Variants in TNRC18 observed in about 807,000 individuals in gnomAD.
The protein encoded by TNRC18 is trinucleotide repeat containing 18.
A neutral mutation model predicts 226.7 loss-of-function variants in TNRC18; 69 were observed. That is an observed-to-expected ratio of 0.30 (90% CI 0.25 to 0.37). The LOEUF (loss-of-function observed/expected upper bound fraction) is 0.37. TNRC18 is among the 10% of genes least tolerant of loss of function. TNRC18 has a pLI of 1.00. For synonymous variants in TNRC18, 2,449 were observed against 1,927.6 expected (o/e 1.27, Z -7.09); for missense variants, 4,754 against 4,256.6 (o/e 1.12, Z -3.25).
Position 5,312,661 on chromosome 7 carries a change from C to G in TNRC18, c.8230G>C (p.Gly2744Arg). Residue 2744 changes from glycine (G) to arginine (R), a missense_variant, in exon 27 of 30, where the codon GGG becomes CGG. Transcript: ENST00000430969. This position sits in a 1 kb window ranked among gnomAD's most constrained non-coding sequence, Gnocchi z 6.3. ...TQPLQPKAQA[G>R]AKSRPKKREG... Reference sequence around the variant, plus strand: ...CTCTTCTTGGGTCGGCTCTTGGCCCCGGCCTGAGCCTTGGGCTGCAGAGGC... The same window carrying G: ...CTCTTCTTGGGTCGGCTCTTGGCCCGGGCCTGAGCCTTGGGCTGCAGAGGC... 5.0e-6 allele frequency: 8 copies of G among 1,606,792 alleles called. No individual in the cohort carries two copies. Among genetic ancestry groups the G allele is most frequent in the Non-Finnish European group, 6.8e-6 (8 of 1,177,652 alleles).
rs914599863 is a variant in TNRC18 at position 5,307,149 on chromosome 7, C to A, written c.*957G>T. On this transcript the variant is annotated 3_prime_UTR_variant, in exon 30 of 30. Coordinates refer to ENST00000430969, the MANE Select transcript of TNRC18 (RefSeq NM_001080495.3). ...CTGGGGACTGGGAGGCCGGTGAAGCCGGTGCTAGACACTATAATCTAACAG... is the reference window on the plus strand; with the variant it reads ...CTGGGGACTGGGAGGCCGGTGAAGCAGGTGCTAGACACTATAATCTAACAG... 2.7e-5 allele frequency: 4 copies of A among 150,664 alleles called. No homozygotes were observed. The highest frequency in any genetic ancestry group is 7.3e-5 in the African/African-American group (3 of 41,108). 9.3% of individuals were successfully genotyped at this position (150,664 alleles called of 1,614,324 possible). A position where few individuals can be genotyped will look rare whatever the true frequency, so the allele number is the denominator to read the frequency against.
chr7:5,414,499 G>A lies in TNRC18; in HGVS notation c.187+6561C>T, dbSNP rs185828247. Among the ~76,000 whole-genome samples, 149 of 151,072 alleles carry A rather than the reference G, an allele frequency of 9.9e-4. 1 individual carries two copies. Among genetic ancestry groups the A allele is most frequent in the Middle Eastern group, 6.9e-3 (2 of 290 alleles). On this transcript the variant is annotated intron_variant, in intron 2 of 29. Transcript: ENST00000430969. The stretch of plus-strand genomic sequence containing the variant: ...GCGATCTCGGCTCACTGCAAACTCC[G>A]CCTCCCAGGTTCACGCCATTCTCCT...
chr7:5,370,315 C>G (rs895289983), intron 11 of TNRC18, 60 bp downstream of exon 11: 2 of 1,489,852 alleles, frequency 1.3e-6, no homozygotes, highest in South Asian at 1.3e-5. Flanking sequence ...ACAGCAAGAC[C>G]CCATCACCAC....
At chr7:5,373,766 C>G (rs1189717649) in intron 10 of TNRC18, among the ~76,000 whole-genome samples, 1 of 152,122 alleles carries the variant, frequency 6.6e-6, no homozygotes, top group Non-Finnish European at 1.5e-5. Flanking sequence ...GCATGCTGAG[C>G]GTGTGACAGG....
At chr7:5,345,517 G>GGGGCGCCCCCCCCCCCCCCCCCCCC in intron 18 of TNRC18, 45 bp downstream of exon 18, 1 of 377,744 alleles carries the variant, frequency 2.6e-6, no homozygotes, top group East Asian at 4.6e-5. Flanking sequence ...AATGGCGTCC[G>GGGGCGCCCCCCCCCCCCCCCCCCCC]CCCCTCCCAC....
Position 5,388,973 on chromosome 7 carries a change from C to T in TNRC18, c.851G>A (p.Cys284Tyr). ...CCCCACGTCCCCGGCGCCGCCGTTG[C>T]ACATGGTCAGTACCGACGGCTGCAG... Reference protein sequence around the residue: ...AALQPSVLTMCNGGAGDVGLP... With the variant: ...AALQPSVLTMYNGGAGDVGLP... Residue 284 changes from cysteine to tyrosine, a missense_variant, in exon 5 of 30, where the codon TGC becomes TAC. Physicochemically the swap from Cys to Tyr is radical, Grantham distance 194. Transcript: ENST00000430969. The T allele has an allele frequency of 1.4e-6, 2 of 1,392,574 alleles. No individual in the cohort carries two copies. The highest frequency in any genetic ancestry group is 1.9e-6 in the Non-Finnish European group (2 of 1,067,898). The allele number at this position is 1,392,574 out of a possible 1,614,324, so 86.3% of individuals were successfully genotyped here.
At chr7:5,344,407 T>G (rs1041727157) in intron 18 of TNRC18, among the ~76,000 whole-genome samples, 9 of 152,266 alleles carry the variant, frequency 5.9e-5, no homozygotes, top group African/African-American at 1.9e-4. Flanking sequence ...TAGGGGGCCC[T>G]GGTGCCTCTT....
Position 5,389,176 on chromosome 7 carries a change from C to G in TNRC18, c.648G>C (p.Pro216=), listed in dbSNP as rs1293403396. 2 of 1,317,086 alleles carry G rather than the reference C, an allele frequency of 1.5e-6. No homozygotes were observed. The highest frequency in any genetic ancestry group is 7.2e-5 in the East Asian group (2 of 27,694). The allele number at this position is 1,317,086 out of a possible 1,614,324, so 81.6% of individuals were successfully genotyped here. ...AKERAGRGGE[P]PPLFGKKDPR... is the part of the protein sequence containing the mutation. Reference sequence around the variant, plus strand: ...GGTCCTTCTTGCCGAAAAGCGGAGGCGGCTCCCCGCCGCGGCCCGCCCGCT... The same window carrying G: ...GGTCCTTCTTGCCGAAAAGCGGAGGGGGCTCCCCGCCGCGGCCCGCCCGCT... The change falls in exon 5 of 30, where the codon CCG becomes CCC. Residue 216 remains proline (P), a synonymous_variant. Transcript: ENST00000430969.
intron 2 of TNRC18, among the ~76,000 whole-genome samples, chr7:5,400,748 G>GC (rs2128208643): frequency 6.6e-6 from 1 of 152,114 alleles, no homozygotes; most frequent in East Asian, 1.9e-4. Flanking sequence ...TGAAAAAAAT[G>GC]CAAGCTGTAG....
intron 2 of TNRC18, among the ~76,000 whole-genome samples, chr7:5,401,133 G>A (rs1043507189): frequency 1.4e-5 from 2 of 148,048 alleles, no homozygotes; most frequent in African/African-American, 5.1e-5. Flanking sequence ...ACCATGTCTG[G>A]CCCACCAATG....
chr7:5,385,982 CAAAAAAAAA>C (rs1160231238), intron 5 of TNRC18, among the ~76,000 whole-genome samples: 3 of 41,532 alleles, frequency 7.2e-5, no homozygotes, highest in Non-Finnish European at 1.4e-4. Flanking sequence ...AAGTCTGTCT[CAAAAAAAAA>C]AAAAAAAAAA....
intron 16 of TNRC18, among the ~76,000 whole-genome samples, chr7:5,353,761 G>GT: frequency 6.6e-6 from 1 of 152,096 alleles, no homozygotes; most frequent in Non-Finnish European, 1.5e-5. Flanking sequence ...AATAAACAGA[G>GT]GAGCGCTCTG....
In TNRC18 at chr7:5,376,933, C is replaced by T. The variant is rs762381013; in HGVS notation, c.2522G>A (p.Gly841Asp). Reference protein sequence around the residue: ...MAPAFPPGLGGSLPSAYQFVR... With the variant: ...MAPAFPPGLGDSLPSAYQFVR... Reference sequence around the variant, plus strand: ...AAACTGGTAGGCTGACGGGAGGGAGCCCCCCAGGCCAGGTGGGAACGCAGG... The same window carrying T: ...AAACTGGTAGGCTGACGGGAGGGAGTCCCCCAGGCCAGGTGGGAACGCAGG... The change falls in exon 8 of 30, where the codon GGC becomes GAC. Residue 841 changes from glycine to aspartate, a missense_variant. Physicochemically the swap from Gly to Asp is moderately conservative, Grantham distance 94 (BLOSUM62 -1). Coordinates refer to ENST00000430969, the MANE Select transcript of TNRC18 (RefSeq NM_001080495.3). 3.8e-6 allele frequency: 6 copies of T among 1,597,816 alleles called. No individual in the cohort carries two copies. The highest frequency in any genetic ancestry group is 2.7e-5 in the African/African-American group (2 of 74,596).
chr7:5,320,872 C>T, intron 22 of TNRC18, among the ~76,000 whole-genome samples: 1 of 152,244 alleles, frequency 6.6e-6, no homozygotes, highest in Non-Finnish European at 1.5e-5. Flanking sequence ...CAGCCGCGCC[C>T]AGCCCCTGGG....
At chr7:5,414,479 C>A (rs957995316) in intron 2 of TNRC18, among the ~76,000 whole-genome samples, 1 of 151,822 alleles carries the variant, frequency 6.6e-6, no homozygotes, top group African/African-American at 2.4e-5. Flanking sequence ...ATGGCGCGAT[C>A]TCGGCTCACT....
intron 16 of TNRC18, among the ~76,000 whole-genome samples, chr7:5,356,669 G>A (rs1045196068): frequency 5.3e-5 from 8 of 152,214 alleles, no homozygotes; most frequent in Non-Finnish European, 4.4e-5. Flanking sequence ...AATCACGGGC[G>A]CCCACCAATC....
In TNRC18 at chr7:5,324,133, C is replaced by G; in HGVS notation, c.6442+81G>C. 4 of 1,470,040 alleles carry G rather than the reference C, an allele frequency of 2.7e-6. No homozygotes were observed. Among genetic ancestry groups the G allele is most frequent in the Non-Finnish European group, 3.6e-6 (4 of 1,099,884 alleles). The allele number at this position is 1,470,040 out of a possible 1,614,324, so 91.1% of individuals were successfully genotyped here. ...CCCCCAGCTAGCCCAGCCCTTCAGT[C>G]TCAAGCCTTGCTCAGATCTGCCTCC... is the stretch of plus-strand genomic sequence containing the variant. On this transcript the variant is annotated intron_variant, in intron 21 of 29. Transcript: ENST00000430969. This position sits in a 1 kb window ranked among gnomAD's most constrained non-coding sequence, Gnocchi z 4.8.
At chr7:5,384,772 C>T (rs1779639699) in intron 5 of TNRC18, among the ~76,000 whole-genome samples, 1 of 152,254 alleles carries the variant, frequency 6.6e-6, no homozygotes, top group Admixed American at 6.5e-5. Context: ...GTTGGCCCCT[C>T]CCTCCTTCTG....
intron 25 of TNRC18, 29 bp from the exon 26 acceptor site, chr7:5,315,177 C>G (rs754746741): frequency 3.7e-6 from 6 of 1,602,276 alleles, no homozygotes; most frequent in Non-Finnish European, 4.3e-6. Context: ...AGTGGCTCAT[C>G]AGGCCTGGGG....
Sources: gnomAD v4.1 joint callset for allele counts (sites outside exome capture counted in the v4.1 genomes callset) on GRCh38, gnomAD v4.1.1 for gene constraint, Gnocchi (gnomAD v3.1) non-coding constraint, MANE v1.5 for transcripts, NCBI Gene and HGNC (gene_info 2026-07-23, HGNC 2026-07-21) for gene names.